Variants in SPTB observed in about 807,000 individuals in gnomAD.
SPTB encodes spectrin beta, erythrocytic, also known as spectrin beta chain, erythrocytic.
SPTB carries 45 observed loss-of-function variants against 256.2 expected under a neutral mutation model. The ratio of observed to expected loss-of-function variants is 0.18; its 90% CI spans 0.14 to 0.23. The LOEUF (loss-of-function observed/expected upper bound fraction) is 0.23, where lower values mean the gene tolerates loss of function less well. Among genes scored for constraint, SPTB ranks in the 10% least tolerant of loss-of-function variants. The probability of loss-of-function intolerance (pLI) is 1.00; values close to 1 mark genes in which losing one functional copy is unlikely to be tolerated. For missense variants in SPTB, 2,715 were observed against 3,040.4 expected (o/e 0.89, Z 2.52); for synonymous variants, 1,231 against 1,243.1 (o/e 0.99, Z 0.21).
chr14:64,766,011 TTGTG>T (rs1264795419), intron 32 of SPTB, among the ~76,000 whole-genome samples: 2 of 144,198 alleles, frequency 1.4e-5, no homozygotes, highest in East Asian at 2.1e-4. Context: ...GTGTGCATAT[TTGTG>T]TGTGCATATG....
chr14:64,834,982 AATAATAT>A (rs1444526317), intron 1 of SPTB, among the ~76,000 whole-genome samples: 2 of 152,220 alleles, frequency 1.3e-5, no homozygotes, highest in African/African-American at 2.4e-5. Flanking sequence ...CTAACCTATA[AATAATAT>A]ATAAGTTATG....
At chr14:64,763,735 C>G in intron 32 of SPTB, 1 of 518,968 alleles carries the variant, frequency 1.9e-6, no homozygotes, top group East Asian at 5.5e-5. Context: ...CTTGTTTCTT[C>G]TGCCTGGCCT....
intron 1 of SPTB, among the ~76,000 whole-genome samples, chr14:64,851,735 C>G (rs2083790419): frequency 6.6e-6 from 1 of 152,094 alleles, no homozygotes; most frequent in African/African-American, 2.4e-5. Flanking sequence ...GGAGCTGGAG[C>G]CACTATCCTC....
chr14:64,779,786 T>C lies in SPTB; in HGVS notation c.4412A>G (p.Lys1471Arg), dbSNP rs570908790. The C allele has an allele frequency of 1.2e-6, 2 of 1,614,134 alleles. No individual in the cohort carries two copies. Among genetic ancestry groups the C allele is most frequent in the East Asian group, 2.2e-5 (1 of 44,880 alleles). ...LDLLEPLGRR[K>R]KQLESSRAKL... ...GGCTCTGGATGATTCCAGCTGCTTC[T>C]TCCTCCTTCCTAGGGGTTCCAGGAG... Residue 1471 changes from lysine to arginine, a missense_variant, in exon 21 of 36, where the codon AAG (lysine) becomes AGG (arginine). Lys to Arg is a conservative substitution (Grantham distance 26). Around this residue, in one of 4 missense-constraint regions of SPTB, gnomAD observed 2,239 missense variants for 2,384.4 expected, o/e 0.94. Coordinates refer to ENST00000644917, the MANE Select transcript of SPTB (RefSeq NM_001355436.2). This position sits in a 1 kb window ranked among gnomAD's most constrained non-coding sequence, Gnocchi z 4.2.
intron 3 of SPTB, 143 bp downstream of exon 3, chr14:64,804,796 C>T (rs2082950926): frequency 9.2e-7 from 1 of 1,092,250 alleles, no homozygotes; most frequent in Admixed American, 1.9e-5. Context: ...CACACGGATG[C>T]TTCCCATTCT....
chr14:64,780,747 A>C (rs755246231), intron 20 of SPTB, among the ~76,000 whole-genome samples: 5 of 152,224 alleles, frequency 3.3e-5, no homozygotes, highest in Non-Finnish European at 7.3e-5. Flanking sequence ...ATGAAACCAA[A>C]AAAGAGCCTG....
rs893750751 is a variant in SPTB, at chr14:64,845,285, G to A, written c.-51-22140C>T. Among the ~76,000 whole-genome samples, 3 of 152,170 alleles carry A rather than the reference G, an allele frequency of 2.0e-5. No individual in the cohort carries two copies. Among genetic ancestry groups the A allele is most frequent in the Admixed American group, 6.5e-5 (1 of 15,284 alleles). On this transcript the variant is annotated intron_variant, in intron 1 of 35. Coordinates refer to ENST00000644917, the MANE Select transcript of SPTB (RefSeq NM_001355436.2). The surrounding 1 kb of genome is among the most constrained non-coding windows in gnomAD (Gnocchi z 4.8). Reference sequence around the variant, plus strand: ...TTGAACAGAAGTAGCCGCTTAGCCCGCCAAAAGATTGGTAGTTCTGTGTGT... The same window carrying A: ...TTGAACAGAAGTAGCCGCTTAGCCCACCAAAAGATTGGTAGTTCTGTGTGT...
chr14:64,822,400 A>AGAG (rs1402656061), intron 2 of SPTB, among the ~76,000 whole-genome samples: 13 of 145,918 alleles, frequency 8.9e-5, no homozygotes, highest in African/African-American at 3.1e-4. Flanking sequence ...ACACACACAC[A>AGAG]CAGAGAGATC....
chr14:64,791,629 C>G (rs1401824525), intron 15 of SPTB, 90 bp downstream of exon 15: 1 of 845,460 alleles, frequency 1.2e-6, no homozygotes, highest in African/African-American at 1.8e-5. Flanking sequence ...TTGGTGCATA[C>G]TAGGTGGACT....
chr14:64,860,021 T>C (rs1158352844), intron 1 of SPTB, among the ~76,000 whole-genome samples: 1 of 152,162 alleles, frequency 6.6e-6, no homozygotes, highest in East Asian at 1.9e-4. Flanking sequence ...TGCTTCCAAC[T>C]GAATAAAATA....
At chr14:64,848,104 T>C (rs1566800974) in intron 1 of SPTB, among the ~76,000 whole-genome samples, 2 of 152,240 alleles carry the variant, frequency 1.3e-5, no homozygotes, top group Non-Finnish European at 2.9e-5. Context: ...GTTTTATGTT[T>C]CACTTTCATT....
intron 1 of SPTB, among the ~76,000 whole-genome samples, chr14:64,864,125 G>A (rs4902325): frequency 0.81 from 123,055 of 152,066 alleles, 51,276 homozygotes; most frequent in Non-Finnish European, 0.91. Context: ...ATCATGAAGA[G>A]ATAGAAGGAG....
intron 20 of SPTB, among the ~76,000 whole-genome samples, chr14:64,781,535 G>C (rs1423306685): frequency 6.6e-6 from 1 of 152,184 alleles, no homozygotes; most frequent in African/African-American, 2.4e-5. Flanking sequence ...ACATCAGTCA[G>C]AATGGCTATT....
chr14:64,780,769 C>T (rs972017864), intron 20 of SPTB, among the ~76,000 whole-genome samples: 1 of 152,192 alleles, frequency 6.6e-6, no homozygotes, highest in Non-Finnish European at 1.5e-5. Context: ...ATGGCCAAGG[C>T]AATCCTAAGC....
chr14:64,752,652 G>C (rs2139428824), intron 33 of SPTB, among the ~76,000 whole-genome samples: 1 of 152,332 alleles, frequency 6.6e-6, no homozygotes, highest in African/African-American at 2.4e-5. Context: ...CTCAGTAAAT[G>C]TTAGTTTCCC....
chr14:64,802,390 A>T lies in SPTB; in HGVS notation c.475-73T>A, dbSNP rs909081675. ...TCTGTGCTTTCCTGCCGTCCCTGGGAGGCTCCCTCCCTCATCCCCCCTTCA... is the reference window on the plus strand; with the variant it reads ...TCTGTGCTTTCCTGCCGTCCCTGGGTGGCTCCCTCCCTCATCCCCCCTTCA... On this transcript the variant is annotated intron_variant, in intron 4 of 35. Coordinates refer to ENST00000644917, the MANE Select transcript of SPTB (RefSeq NM_001355436.2). The surrounding 1 kb of genome is among the most constrained non-coding windows in gnomAD (Gnocchi z 5.1). 51 of 1,430,182 alleles carry T rather than the reference A, an allele frequency of 3.6e-5. No homozygotes were observed. Among genetic ancestry groups the T allele is most frequent in the Admixed American group, 7.3e-5 (4 of 54,752 alleles). The allele number at this position is 1,430,182 out of a possible 1,614,324, so 88.6% of individuals were successfully genotyped here.
chr14:64,845,766 C>T lies in SPTB; in HGVS notation c.-51-22621G>A, dbSNP rs2083682428. On this transcript the variant is annotated intron_variant, in intron 1 of 35. Coordinates refer to ENST00000644917, the MANE Select transcript of SPTB (RefSeq NM_001355436.2). This position sits in a 1 kb window ranked among gnomAD's most constrained non-coding sequence, Gnocchi z 4.8. ...TGAAATGAGTTCTGCCATGGGCTCG[C>T]CTAGTCTCTTCATTGTTGAGTCAAA... Among the ~76,000 whole-genome samples, 1 of 152,120 alleles carries T rather than the reference C, an allele frequency of 6.6e-6. No individual in the cohort carries two copies. Among genetic ancestry groups the T allele is most frequent in the African/African-American group, 2.4e-5 (1 of 41,398 alleles).
intron 32 of SPTB, among the ~76,000 whole-genome samples, chr14:64,763,418 C>T (rs555644065): frequency 6.6e-6 from 1 of 152,340 alleles, no homozygotes; most frequent in Admixed American, 6.5e-5. Context: ...TACTTCTTTC[C>T]CATCTCCCGT....
intron 2 of SPTB, among the ~76,000 whole-genome samples, chr14:64,819,027 A>G (rs977811542): frequency 7.2e-5 from 11 of 152,150 alleles, no homozygotes; most frequent in Non-Finnish European, 1.3e-4. Context: ...AAACGCTAAA[A>G]TCTGCTCAGG....
Sources: gnomAD v4.1 joint callset for allele counts (sites outside exome capture counted in the v4.1 genomes callset) on GRCh38, gnomAD v4.1.1 for gene constraint, gnomAD v4.1.1 regional missense constraint, Gnocchi (gnomAD v3.1) non-coding constraint, MANE v1.5 for transcripts, NCBI Gene and HGNC (gene_info 2026-07-23, HGNC 2026-07-21) for gene names.